The following LRRC49 variants were observed in gnomAD, a reference collection of about 807,000 sequenced individuals.
The protein encoded by LRRC49 is leucine rich repeat containing 49, also known as leucine-rich repeat-containing protein 49.
A neutral mutation model predicts 83.3 loss-of-function variants in LRRC49; 50 were observed. The observed-to-expected ratio is 0.60, with a 90% CI of 0.48 to 0.76. The LOEUF (loss-of-function observed/expected upper bound fraction) is 0.76. LRRC49 is among the 30% of genes least tolerant of loss of function. The probability of loss-of-function intolerance (pLI) is 0.00; values close to 1 mark genes in which losing one functional copy is unlikely to be tolerated. For synonymous variants in LRRC49, 286 were observed against 283.3 expected, an observed-to-expected ratio of 1.01 and a Z score of -0.10; for missense variants, 704 against 809.1, an observed-to-expected ratio of 0.87 and a Z score of 1.58.
At chr15:71,018,261 T>C (rs1303965699) in intron 14 of LRRC49, among the ~76,000 whole-genome samples, 1 of 152,116 alleles carries the variant, frequency 6.6e-6, no homozygotes, top group African/African-American at 2.4e-5. Flanking sequence ...AGGATATAGA[T>C]ATGAGGAGTA....
chr15:70,991,394 C>T (rs1445978460), intron 11 of LRRC49, among the ~76,000 whole-genome samples: 2 of 152,228 alleles, frequency 1.3e-5, no homozygotes, highest in African/African-American at 2.4e-5. Context: ...ATACCCAAAT[C>T]TGCAGATACT....
chr15:70,890,821 C>T (rs574331557), upstream of LRRC49, among the ~76,000 whole-genome samples: 9 of 152,148 alleles, frequency 5.9e-5, 1 homozygote, highest in South Asian at 1.9e-3. Flanking sequence ...ATAGTATGTC[C>T]AAGAACTGAA....
At chr15:70,859,951 GA>G in intron 1 of LRRC49, 2 of 764,898 alleles carry the variant, frequency 2.6e-6, no homozygotes, top group Non-Finnish European at 4.8e-6. Context: ...CAATCCATAC[GA>G]AGACCACCAG....
At chr15:70,892,187 A>C (rs777771696), upstream of LRRC49, 7 of 1,609,580 alleles carry the variant, frequency 4.3e-6, no homozygotes, top group South Asian at 7.8e-5. Context: ...GAGCAGCCGC[A>C]CGGCCCGGTC....
chr15:70,976,316 TA>T (rs2037205189), intron 9 of LRRC49, among the ~76,000 whole-genome samples: 1 of 152,212 alleles, frequency 6.6e-6, no homozygotes, highest in Admixed American at 6.5e-5. Flanking sequence ...ATTGTTTGAG[TA>T]AAAATTATTG....
At chr15:70,987,178 T>C (rs1244314068) in intron 11 of LRRC49, among the ~76,000 whole-genome samples, 1 of 152,248 alleles carries the variant, frequency 6.6e-6, no homozygotes, top group Non-Finnish European at 1.5e-5. Context: ...TTCCCTCTTT[T>C]TCTATTGATT....
chr15:70,995,948 T>A (rs775226707), intron 11 of LRRC49, among the ~76,000 whole-genome samples: 1 of 152,052 alleles, frequency 6.6e-6, no homozygotes, highest in African/African-American at 2.4e-5. Context: ...TTGGGAGAGA[T>A]GGGAGAAGTG....
At chr15:70,894,088 G>A (rs1413741230) in intron 2 of LRRC49, among the ~76,000 whole-genome samples, 1 of 152,066 alleles carries the variant, frequency 6.6e-6, no homozygotes, top group African/African-American at 2.4e-5. Context: ...GTAGAGACAG[G>A]TTTCACCATG....
At chr15:70,946,970 G>T (rs2036031122) in intron 8 of LRRC49, among the ~76,000 whole-genome samples, 2 of 151,976 alleles carry the variant, frequency 1.3e-5, no homozygotes, top group Admixed American at 6.6e-5. Flanking sequence ...AGACCCCCAG[G>T]TTAGAGACCA....
At position 71,049,590 on chromosome 15, in the gene LRRC49, A is replaced by G. The variant is rs764975211; in HGVS notation, c.2039A>G (p.Gln680Arg). 2 of 1,601,050 alleles carry G rather than the reference A, an allele frequency of 1.2e-6. No individual in the cohort carries two copies. Among genetic ancestry groups the G allele is most frequent in the Non-Finnish European group, 1.7e-6 (2 of 1,176,834 alleles). ...AATTCCTATATGAAGCTCTGCCTACAGCAGATAACAGACCAAAAATAAAAA... is the reference window on the plus strand; with the variant it reads ...AATTCCTATATGAAGCTCTGCCTACGGCAGATAACAGACCAAAAATAAAAA... ...NKNSYMKLCLQQITDQK is the reference protein window; with the variant it reads ...NKNSYMKLCLRQITDQK Residue 680 changes from glutamine (Q) to arginine (R), a missense_variant, in exon 16 of 16, where the codon CAG (glutamine) becomes CGG (arginine). By Grantham distance (43) the Gln-to-Arg change is conservative. Transcript: ENST00000260382.
chr15:70,929,911 T>C (rs1252151726), intron 7 of LRRC49, among the ~76,000 whole-genome samples: 1 of 152,174 alleles, frequency 6.6e-6, no homozygotes, highest in Non-Finnish European at 1.5e-5. Flanking sequence ...TTCTAGTTCT[T>C]TTGCCCTTTC....
intron 1 of LRRC49, among the ~76,000 whole-genome samples, chr15:70,871,779 T>G (rs1355031790): frequency 2.5e-5 from 3 of 121,690 alleles, no homozygotes; most frequent in African/African-American, 6.5e-5. Flanking sequence ...GGGCAGAGGC[T>G]CTCCTCACAT....
At chr15:70,941,294 C>T (rs911837428) in intron 8 of LRRC49, among the ~76,000 whole-genome samples, 1 of 152,076 alleles carries the variant, frequency 6.6e-6, no homozygotes, top group Non-Finnish European at 1.5e-5. Context: ...AAACACAGCA[C>T]TTATACTAAA....
At chr15:71,031,974 G>C (rs2039369531) in intron 14 of LRRC49, among the ~76,000 whole-genome samples, 1 of 152,124 alleles carries the variant, frequency 6.6e-6, no homozygotes, top group Non-Finnish European at 1.5e-5. Context: ...TGGCTTCCTG[G>C]CTTCAGACCG....
At position 71,046,483 on chromosome 15, in the gene LRRC49, T is replaced by C. The variant is rs867854657; in HGVS notation, c.1858-2926T>C. On this transcript the variant is annotated intron_variant, in intron 15 of 15. Coordinates refer to ENST00000260382, the MANE Select transcript of LRRC49 (RefSeq NM_017691.5). The stretch of plus-strand genomic sequence containing the variant: ...GCTGAGCACTATTTCATATCCTTGT[T>C]GGCCACTTGTATGTCTTCCTTTGAG... 5.3e-5 allele frequency among the ~76,000 whole-genome samples: 8 copies of C among 152,366 alleles called. No homozygotes were observed. In the South Asian group the frequency reaches 1.7e-3, roughly 32 times the overall value.
chr15:70,893,056 G>A, intron 1 of LRRC49, 114 bp downstream of exon 1: 1 of 1,194,720 alleles, frequency 8.4e-7, no homozygotes, highest in Non-Finnish European at 1.2e-6. Context: ...GTCTACTCAA[G>A]CTATTGTCTG....
At chr15:70,889,457 GTTTC>G (rs914454472), upstream of LRRC49, among the ~76,000 whole-genome samples, 39 of 152,168 alleles carry the variant, frequency 2.6e-4, no homozygotes, top group Middle Eastern at 3.4e-3. Flanking sequence ...GCAATGTTCT[GTTTC>G]TTTGACTTGG....
At chr15:71,048,921 C>T in intron 15 of LRRC49, 2 of 451,348 alleles carry the variant, frequency 4.4e-6, no homozygotes, top group Middle Eastern at 6.6e-4. Flanking sequence ...CTGCGTAAGT[C>T]AGTGTAGTGT....
rs11339326 is a variant in LRRC49, at chr15:70,981,891, C to CT, written c.1005+1727dup. Among the ~76,000 whole-genome samples the CT allele has an allele frequency of 6.7e-4, 75 of 112,066 alleles. 2 individuals carry two copies. The highest frequency in any genetic ancestry group is 4.6e-3 in the East Asian group (18 of 3,912). The allele number at this position is 112,066 out of a possible 152,430, so 73.5% of individuals were successfully genotyped here. On this transcript the variant is annotated intron_variant, in intron 10 of 15. Transcript: ENST00000260382. ...TTCTCTAACCTTTCTTTTGCTTCTT[C>CT]TTTTTTTTTTTTTTTTTTTTCCTCC...
Sources: allele counts gnomAD v4.1 joint callset (sites outside exome capture counted in the v4.1 genomes callset), GRCh38; gene constraint gnomAD v4.1.1; transcripts MANE v1.5; gene names NCBI Gene and HGNC (gene_info 2026-07-23, HGNC 2026-07-21).